Variants in NDST4 observed in about 807,000 individuals in gnomAD.
NDST4 encodes the protein N-deacetylase and N-sulfotransferase 4.
Under a neutral mutation model 100.8 loss-of-function variants are expected in NDST4, and 63 were observed. The observed-to-expected ratio is 0.62, with a 90% CI of 0.51 to 0.77. The LOEUF (loss-of-function observed/expected upper bound fraction) is 0.77. Ranked by LOEUF, NDST4 falls within the 30% of genes least tolerant of loss-of-function variation. The pLI is 0.00. For missense variants in NDST4, 943 were observed against 1,018.4 expected (o/e 0.93, Z 1.01); for synonymous variants, 377 against 361.8 (o/e 1.04, Z -0.48).
At chr4:115,047,167 G>T (rs945327713) in intron 2 of NDST4, among the ~76,000 whole-genome samples, 2 of 151,974 alleles carry the variant, frequency 1.3e-5, no homozygotes, top group African/African-American at 4.8e-5. Flanking sequence ...ACATTATCCA[G>T]AGTCAATTAT....
intron 11 of NDST4, among the ~76,000 whole-genome samples, chr4:114,835,642 C>G (rs796964429): frequency 3.9e-5 from 6 of 152,048 alleles, no homozygotes; most frequent in African/African-American, 1.4e-4. Context: ...TCCATTTAGT[C>G]CAGAGCTGAG....
At chr4:114,989,848 T>C (rs1298581370) in intron 2 of NDST4, among the ~76,000 whole-genome samples, 6 of 152,306 alleles carry the variant, frequency 3.9e-5, no homozygotes, top group African/African-American at 1.4e-4. Flanking sequence ...GAATGTAGCA[T>C]ATGATGACTT....
At chr4:115,111,852 C>T (rs981870180) in intron 1 of NDST4, among the ~76,000 whole-genome samples, 1 of 151,756 alleles carries the variant, frequency 6.6e-6, no homozygotes, top group African/African-American at 2.4e-5. Context: ...TATGAGATGT[C>T]TATCAATGTA....
At chr4:115,080,003 G>A (rs1285210183) in intron 1 of NDST4, among the ~76,000 whole-genome samples, 1 of 152,000 alleles carries the variant, frequency 6.6e-6, no homozygotes, top group African/African-American at 2.4e-5. Flanking sequence ...TATATAAGTG[G>A]ACCTTAGCTT....
chr4:114,990,863 G>A (rs923314838), intron 2 of NDST4, among the ~76,000 whole-genome samples: 5 of 151,966 alleles, frequency 3.3e-5, no homozygotes, highest in African/African-American at 7.2e-5. Context: ...TTAACGCACC[G>A]AGGCATTTCG....
At chr4:114,926,357 C>T (rs1387035820) in intron 6 of NDST4, among the ~76,000 whole-genome samples, 2 of 151,920 alleles carry the variant, frequency 1.3e-5, no homozygotes, top group African/African-American at 2.4e-5. Context: ...ATCAAGAAAC[C>T]CCATTCCTTG....
intron 2 of NDST4, among the ~76,000 whole-genome samples, chr4:115,008,697 G>A (rs1198190409): frequency 1.6e-5 from 2 of 127,422 alleles, no homozygotes; most frequent in Non-Finnish European, 3.3e-5. Context: ...AATTAGGCAG[G>A]AGAAGGAAAT....
intron 9 of NDST4, 69 bp from the exon 10 acceptor site, chr4:114,846,066 AAT>A: frequency 8.6e-7 from 1 of 1,158,898 alleles, no homozygotes; most frequent in Non-Finnish European, 1.2e-6. Flanking sequence ...AATGTGAAAT[AAT>A]TGGAACATTT....
intron 4 of NDST4, among the ~76,000 whole-genome samples, chr4:114,950,991 G>A (rs1725977699): frequency 6.6e-6 from 1 of 151,938 alleles, no homozygotes; most frequent in Admixed American, 6.6e-5. Context: ...AGCAGATAAT[G>A]CATATTCATC....
At chr4:114,879,176 A>G (rs1195721946) in intron 6 of NDST4, among the ~76,000 whole-genome samples, 2 of 152,180 alleles carry the variant, frequency 1.3e-5, no homozygotes, top group African/African-American at 4.8e-5. Context: ...TGTGATGAGT[A>G]CATTTAAAAT....
Position 114,846,864 on chromosome 4 carries a change from A to G in NDST4, c.1941-867T>C, listed in dbSNP as rs76830373. On this transcript the variant is annotated intron_variant, in intron 9 of 13. Transcript: ENST00000264363. ...GAAGAGTCTCATCTATATTCCTGCT[A>G]AACAATTTGTGTTCCATTTGGGCTC... Among the ~76,000 whole-genome samples, 791 of 152,270 alleles carry G rather than the reference A, an allele frequency of 5.2e-3. 13 individuals carry two copies. The highest frequency in any genetic ancestry group is 0.018 in the African/African-American group (762 of 41,568).
chr4:114,979,195 A>G (rs1726709655), intron 2 of NDST4, among the ~76,000 whole-genome samples: 1 of 151,678 alleles, frequency 6.6e-6, no homozygotes, highest in Admixed American at 6.6e-5. Flanking sequence ...AATCCTACCA[A>G]TTCTTTATAT....
At chr4:114,840,112 T>A (rs1578336504) in intron 10 of NDST4, among the ~76,000 whole-genome samples, 1 of 152,204 alleles carries the variant, frequency 6.6e-6, no homozygotes, top group East Asian at 1.9e-4. Flanking sequence ...AAAGCTGCTG[T>A]CTATTTCTCA....
At chr4:114,899,953 A>G (rs1724799677) in intron 6 of NDST4, among the ~76,000 whole-genome samples, 1 of 152,096 alleles carries the variant, frequency 6.6e-6, no homozygotes, top group Admixed American at 6.6e-5. Flanking sequence ...TCACCAGTGA[A>G]CCCACTTGGC....
chr4:115,077,990 T>C (rs1165013969), intron 1 of NDST4, among the ~76,000 whole-genome samples: 3 of 152,200 alleles, frequency 2.0e-5, no homozygotes, highest in Admixed American at 2.0e-4. Context: ...CCTACTCTTG[T>C]AATAAGAATT....
intron 6 of NDST4, among the ~76,000 whole-genome samples, chr4:114,920,015 A>T (rs1400914313): frequency 6.6e-6 from 1 of 152,204 alleles, no homozygotes; most frequent in African/African-American, 2.4e-5. Flanking sequence ...TCATTTATAA[A>T]ACCATAATAA....
chr4:115,028,670 T>A (rs75694031), intron 2 of NDST4, among the ~76,000 whole-genome samples: 6,079 of 151,638 alleles, frequency 0.04, 423 homozygotes, highest in African/African-American at 0.14. Context: ...TGCAGGAGAG[T>A]GTCACTAGAT....
chr4:115,000,507 C>A (rs140613534), intron 2 of NDST4, among the ~76,000 whole-genome samples: 75 of 151,750 alleles, frequency 4.9e-4, no homozygotes, highest in African/African-American at 1.7e-3. Flanking sequence ...ACACATGGAC[C>A]CAAAAGGATT....
intron 6 of NDST4, among the ~76,000 whole-genome samples, chr4:114,901,265 C>A (rs1332012743): frequency 6.6e-6 from 1 of 152,030 alleles, no homozygotes; most frequent in Admixed American, 6.6e-5. Context: ...AATTACAATA[C>A]TGGATTAATC....
Sources: allele counts gnomAD v4.1 joint callset (sites outside exome capture counted in the v4.1 genomes callset), GRCh38; gene constraint gnomAD v4.1.1; transcripts MANE v1.5; gene names NCBI Gene and HGNC (gene_info 2026-07-23, HGNC 2026-07-21).